Variants in C18orf63 observed in about 807,000 individuals in gnomAD.
C18orf63 encodes uncharacterized protein C18orf63.
A neutral mutation model predicts 75.3 loss-of-function variants in C18orf63; 50 were observed. That is an observed-to-expected ratio of 0.66 (90% CI 0.53 to 0.84). C18orf63 has a LOEUF of 0.84. Among genes scored for constraint, C18orf63 ranks in the 40% least tolerant of loss-of-function variants. The pLI, the probability that C18orf63 is intolerant of heterozygous loss-of-function variation, is 0.00. For missense variants in C18orf63, 732 were observed against 800.2 expected (o/e 0.91, Z 1.03); for synonymous variants, 232 against 267.6 (o/e 0.87, Z 1.30).
chr18:74,327,920 C>A (rs1384931364), intron 4 of C18orf63, 27 bp from the exon 5 acceptor site: 2 of 1,348,714 alleles, frequency 1.5e-6, no homozygotes, highest in East Asian at 2.5e-5. Flanking sequence ...CTAAATTGGC[C>A]CATATTTTGC....
intron 11 of C18orf63, among the ~76,000 whole-genome samples, chr18:74,351,451 T>C (rs1053447972): frequency 1.3e-5 from 2 of 152,130 alleles, no homozygotes; most frequent in African/African-American, 4.8e-5. Context: ...TCTGGGGACA[T>C]TTGTTCTTGG....
chr18:74,356,260 A>T (rs1984762713), intron 13 of C18orf63, among the ~76,000 whole-genome samples: 2 of 151,624 alleles, frequency 1.3e-5, no homozygotes. Context: ...ATTTCTCATC[A>T]TTCACCCCCC....
intron 5 of C18orf63, 50 bp downstream of exon 5, chr18:74,328,108 G>A (rs1471728598): frequency 2.8e-6 from 3 of 1,056,056 alleles, no homozygotes; most frequent in African/African-American, 1.6e-5. Context: ...GATTACGTCT[G>A]TTATGTGTGT....
rs1217830604 is a variant in C18orf63 at position 74,354,291 on chromosome 18, A to G, written c.2001+23A>G. ...CAGGTAAAAAAAAAATTAATCTGGC[A>G]CTACTTATCATATGCTAGACCCTTA... On this transcript the variant is annotated intron_variant, in intron 12 of 13. Coordinates refer to ENST00000579455, the MANE Select transcript of C18orf63 (RefSeq NM_001174123.2). 3 of 1,486,546 alleles carry G rather than the reference A, an allele frequency of 2.0e-6. No homozygotes were observed. The African/African-American group carries it at 4.2e-5, about 21-fold the overall frequency. 92.1% of individuals were successfully genotyped at this position (1,486,546 alleles called of 1,614,324 possible).
At chr18:74,320,378 A>T (rs1434080130) in intron 2 of C18orf63, 135 bp from the exon 3 acceptor site, 1 of 533,602 alleles carries the variant, frequency 1.9e-6, no homozygotes, top group African/African-American at 2.0e-5. Flanking sequence ...CAGGGGGGAA[A>T]TCCGCCGCCA....
chr18:74,349,133 C>A (rs1056899886), intron 11 of C18orf63, among the ~76,000 whole-genome samples: 6 of 152,060 alleles, frequency 3.9e-5, no homozygotes, highest in Non-Finnish European at 8.8e-5. Context: ...TTATAGAACC[C>A]AAGGGTCCAA....
chr18:74,324,825 T>C (rs1984181974), intron 4 of C18orf63, among the ~76,000 whole-genome samples: 1 of 152,200 alleles, frequency 6.6e-6, no homozygotes, highest in African/African-American at 2.4e-5. Flanking sequence ...TCCATGTGTC[T>C]CAGTTTCTAT....
intron 2 of C18orf63, among the ~76,000 whole-genome samples, chr18:74,320,137 A>G (rs1984094390): frequency 6.6e-6 from 1 of 152,198 alleles, no homozygotes; most frequent in South Asian, 2.1e-4. Context: ...ACTGCTGTAA[A>G]GAATTACCTA....
chr18:74,353,636 A>G lies in C18orf63; in HGVS notation c.1369A>G (p.Lys457Glu). The G allele has an allele frequency of 6.5e-7, 1 of 1,536,218 alleles. No individual in the cohort carries two copies. The highest frequency in any genetic ancestry group is 8.7e-7 in the Non-Finnish European group (1 of 1,146,916). ...AAATACCTCAGTACTTGGCAGCCCAAAAAGAAAACAGCATGATGTGACACA... is the reference window on the plus strand; with the variant it reads ...AAATACCTCAGTACTTGGCAGCCCAGAAAGAAAACAGCATGATGTGACACA... Reference protein sequence around the residue: ...NKNTSVLGSPKRKQHDVTQSK... With the variant: ...NKNTSVLGSPERKQHDVTQSK... Residue 457 changes from lysine to glutamate, a missense_variant, in exon 12 of 14, where the codon AAA becomes GAA. Lys to Glu is a moderately conservative substitution (Grantham distance 56). This residue lies in a region of C18orf63 where 495 missense variants were observed against 508.7 expected (regional missense o/e 0.97). Transcript: ENST00000579455.
chr18:74,354,013 G>T lies in C18orf63; in HGVS notation c.1746G>T (p.Gly582=), dbSNP rs1984718985. The part of the protein sequence containing the change: ...LTGKGITQIL[G]KSHGSLKLKR... ...GCAAAGGTATAACACAAATTTTAGG[G>T]AAAAGCCATGGGTCACTAAAACTGA... The change falls in exon 12 of 14, where the codon GGG becomes GGT. Residue 582 remains glycine, a synonymous_variant. Transcript: ENST00000579455. 6.5e-7 allele frequency: 1 copy of T among 1,536,290 alleles called. No homozygotes were observed.
At position 74,354,076 on chromosome 18, in the gene C18orf63, C is replaced by G. The variant is rs759207290; in HGVS notation, c.1809C>G (p.Thr603=). 116 of 1,535,866 alleles carry G rather than the reference C, an allele frequency of 7.6e-5. No homozygotes were observed. The highest frequency in any genetic ancestry group is 6.5e-5 in the Non-Finnish European group (74 of 1,146,898). Residue 603 remains threonine, a synonymous_variant, in exon 12 of 14, where the codon ACC becomes ACG. Transcript: ENST00000579455. ...ACATTTTTGAATCAGATGGAGAAAC[C>G]GAAGATCCACGACTGCTACAGCAGC... is the stretch of plus-strand genomic sequence containing the variant. ...QPHIFESDGE[T]EDPRLLQQQS...
intron 4 of C18orf63, among the ~76,000 whole-genome samples, chr18:74,323,738 G>A (rs558977540): frequency 1.3e-5 from 2 of 152,216 alleles, no homozygotes; most frequent in South Asian, 2.1e-4. Context: ...TTTGTTCAAC[G>A]TTGTTTCAAT....
intron 11 of C18orf63, among the ~76,000 whole-genome samples, chr18:74,344,921 T>C (rs1984548015): frequency 6.6e-6 from 1 of 152,102 alleles, no homozygotes; most frequent in African/African-American, 2.4e-5. Context: ...ACATGAAACC[T>C]CCAGGAGTAG....
chr18:74,319,102 A>C (rs2145113231), intron 2 of C18orf63, among the ~76,000 whole-genome samples: 1 of 152,316 alleles, frequency 6.6e-6, no homozygotes, highest in Middle Eastern at 3.4e-3. Flanking sequence ...GCTAAAGTAT[A>C]ATATGATACC....
In C18orf63 at chr18:74,317,864, G is replaced by A. The variant is rs1568233841; in HGVS notation, c.-2G>A. 1 of 1,524,716 alleles carries A rather than the reference G, an allele frequency of 6.6e-7. No individual in the cohort carries two copies. Among genetic ancestry groups the A allele is most frequent in the East Asian group, 2.5e-5 (1 of 40,748 alleles). The allele number at this position is 1,524,716 out of a possible 1,614,324, so 94.4% of individuals were successfully genotyped here. A position where few individuals can be genotyped will look rare whatever the true frequency, so the allele number is the denominator to read the frequency against. Reference sequence around the variant, plus strand: ...ATTGCTGAGACACTCAGTCAGGAAAGTATGAATGATTCTAGGCAGCAGTCT... The same window carrying A: ...ATTGCTGAGACACTCAGTCAGGAAAATATGAATGATTCTAGGCAGCAGTCT... On this transcript the variant is annotated 5_prime_UTR_variant, in exon 2 of 14. Coordinates refer to ENST00000579455, the MANE Select transcript of C18orf63 (RefSeq NM_001174123.2).
chr18:74,320,721 G>C (rs1156740951), intron 3 of C18orf63, 130 bp downstream of exon 3: 1 of 532,348 alleles, frequency 1.9e-6, no homozygotes, highest in Non-Finnish European at 3.2e-6. Flanking sequence ...TGTGTTACAG[G>C]TTAATTGGAT....
In C18orf63 at chr18:74,353,940, T is replaced by TA. The variant is rs1351118898; in HGVS notation, c.1678dup (p.Ser560LysfsTer4). On this transcript the variant is annotated frameshift_variant, in exon 12 of 14. Coordinates refer to ENST00000579455, the MANE Select transcript of C18orf63 (RefSeq NM_001174123.2). LOFTEE classifies it high-confidence loss of function. ...GTGTCAAATAACAATTTAGGGGTGG[T>TA]AAAAAGTGCTGTTGACTTCCAAATG... 6.5e-7 allele frequency: 1 copy of TA among 1,536,006 alleles called. No individual in the cohort carries two copies. The highest frequency in any genetic ancestry group is 1.4e-5 in the African/African-American group (1 of 73,014).
chr18:74,348,591 C>G (rs1984612058), intron 11 of C18orf63, among the ~76,000 whole-genome samples: 3 of 152,144 alleles, frequency 2.0e-5, no homozygotes, highest in Admixed American at 2.0e-4. Flanking sequence ...TATAAAGTTA[C>G]ATAAGTTGTA....
chr18:74,349,516 C>A (rs1984631056), intron 11 of C18orf63, among the ~76,000 whole-genome samples: 2 of 152,164 alleles, frequency 1.3e-5, no homozygotes, highest in Non-Finnish European at 2.9e-5. Flanking sequence ...ACCGCCTGAG[C>A]TCTGCCTCCT....
Sources: gnomAD v4.1 joint callset for allele counts (sites outside exome capture counted in the v4.1 genomes callset) on GRCh38, gnomAD v4.1.1 for gene constraint, gnomAD v4.1.1 regional missense constraint, MANE v1.5 for transcripts, NCBI Gene and HGNC (gene_info 2026-07-23, HGNC 2026-07-21) for gene names.